Variants in PGM5 observed in about 807,000 individuals in gnomAD.
PGM5 encodes the protein phosphoglucomutase 5.
In PGM5, 23 loss-of-function variants were observed where a neutral mutation model predicts 59.2. That is an observed-to-expected ratio of 0.39 (90% CI 0.28 to 0.55). The LOEUF (loss-of-function observed/expected upper bound fraction) is 0.55. Ranked by LOEUF, PGM5 falls within the 20% of genes least tolerant of loss-of-function variation. PGM5 has a pLI of 0.66. For missense variants in PGM5, 574 were observed against 748.3 expected, an observed-to-expected ratio of 0.77 and a Z score of 2.72; for synonymous variants, 214 against 286.0, an observed-to-expected ratio of 0.75 and a Z score of 2.54.
At chr9:68,409,970 C>T (rs145864669) in intron 6 of PGM5, among the ~76,000 whole-genome samples, 86 of 152,156 alleles carry the variant, frequency 5.7e-4, no homozygotes, top group Non-Finnish European at 4.4e-4. Flanking sequence ...CTCAGGGCCT[C>T]GCTTTCCCCA....
At chr9:68,381,101 G>T (rs555289564) in intron 2 of PGM5, among the ~76,000 whole-genome samples, 1 of 151,982 alleles carries the variant, frequency 6.6e-6, no homozygotes, top group South Asian at 2.1e-4. Flanking sequence ...GCATCACCTT[G>T]ATACCTAAAG....
At chr9:68,464,622 A>G (rs1823905418) in intron 6 of PGM5, 1 of 152,406 alleles carries the variant, frequency 6.6e-6, no homozygotes, top group African/African-American at 2.4e-5. Flanking sequence ...TTATCCTAAA[A>G]TGTCTAAAGT....
At chr9:68,515,927 A>G (rs994058337) in intron 10 of PGM5, among the ~76,000 whole-genome samples, 1 of 152,146 alleles carries the variant, frequency 6.6e-6, no homozygotes, top group East Asian at 1.9e-4. Flanking sequence ...TGATAATGGT[A>G]ATAATAATAA....
chr9:68,405,170 G>A (rs376868711), intron 6 of PGM5: 1 of 152,314 alleles, frequency 6.6e-6, no homozygotes, highest in East Asian at 1.9e-4. Flanking sequence ...GTTGGGGTTT[G>A]TACTTTCACT....
At chr9:68,462,811 TTC>T (rs1823877360) in intron 6 of PGM5, among the ~76,000 whole-genome samples, 1 of 152,182 alleles carries the variant, frequency 6.6e-6, no homozygotes, top group Non-Finnish European at 1.5e-5. Context: ...CCCAGAAGGC[TTC>T]TGTGTGACTT....
At position 68,417,515 on chromosome 9, in the gene PGM5, C is replaced by T. The variant is rs541585393; in HGVS notation, c.1043+25042C>T. Among the ~76,000 whole-genome samples the T allele has an allele frequency of 2.0e-5, 3 of 152,218 alleles. 1 individual carries two copies. The highest frequency in any genetic ancestry group is 1.9e-4 in the East Asian group (1 of 5,186). ...ATCCATGTCATGGAACATTGAGCTG[C>T]GTATCCTTTCATTTCCATCATTCAG... On this transcript the variant is annotated intron_variant, in intron 6 of 10. Transcript: ENST00000396396.
chr9:68,461,825 G>A (rs938874673), intron 6 of PGM5, among the ~76,000 whole-genome samples: 3 of 151,868 alleles, frequency 2.0e-5, no homozygotes, highest in Non-Finnish European at 4.4e-5. Context: ...TGCTGGAAAA[G>A]CATTTAAGGT....
intron 6 of PGM5, among the ~76,000 whole-genome samples, chr9:68,438,662 A>G (rs1823478988): frequency 6.6e-6 from 1 of 152,210 alleles, no homozygotes; most frequent in South Asian, 2.1e-4. Context: ...ATTGGAGAAG[A>G]CCAGAATTTA....
intron 9 of PGM5, among the ~76,000 whole-genome samples, chr9:68,494,696 G>A (rs1398378780): frequency 2.0e-5 from 3 of 152,174 alleles, no homozygotes; most frequent in Non-Finnish European, 2.9e-5. Flanking sequence ...AACCTACCAT[G>A]GTTCAACTCC....
At chr9:68,367,211 G>A (rs1189426761) in intron 1 of PGM5, among the ~76,000 whole-genome samples, 1 of 151,912 alleles carries the variant, frequency 6.6e-6, no homozygotes, top group Non-Finnish European at 1.5e-5. Context: ...TGTGGTCTGT[G>A]CATTATTTCC....
At chr9:68,399,408 C>A (rs1786033820) in intron 6 of PGM5, 1 of 152,230 alleles carries the variant, frequency 6.6e-6, no homozygotes, top group African/African-American at 2.4e-5. Flanking sequence ...CCATCTCTTG[C>A]CTGCTTCTCC....
At position 68,483,883 on chromosome 9, in the gene PGM5, G is replaced by A; in HGVS notation, c.1314G>A (p.Leu438=). The A allele has an allele frequency of 6.2e-7, 1 of 1,614,048 alleles. No homozygotes were observed. Among genetic ancestry groups the A allele is most frequent in the Non-Finnish European group, 8.5e-7 (1 of 1,179,972 alleles). ...TCACCAGGTTTGACTATGAGGGGTTGGATCCCAAGACGACATATTATATCA... is the reference window on the plus strand; with the variant it reads ...TCACCAGGTTTGACTATGAGGGGTTAGATCCCAAGACGACATATTATATCA... ...HYYCRFDYEG[L]DPKTTYYIMR... The change falls in exon 9 of 11, where the codon TTG becomes TTA. Residue 438 remains leucine, a synonymous_variant. Coordinates refer to ENST00000396396, the MANE Select transcript of PGM5 (RefSeq NM_021965.4).
intron 10 of PGM5, among the ~76,000 whole-genome samples, chr9:68,518,568 C>T (rs1044021409): frequency 1.3e-5 from 2 of 152,036 alleles, no homozygotes; most frequent in African/African-American, 4.8e-5. Flanking sequence ...TAAAAATACA[C>T]CAAGATGTTG....
chr9:68,437,480 A>G lies in PGM5; in HGVS notation c.1044-27613A>G, dbSNP rs561122531. Among the ~76,000 whole-genome samples the G allele has an allele frequency of 2.0e-5, 3 of 152,286 alleles. No homozygotes were observed. The highest frequency in any genetic ancestry group is 2.1e-4 in the South Asian group (1 of 4,828). ...GGTGTTGTGCTTTACACGATACTGTATTACAAAGCTGCTAAACAACAAATG... is the reference window on the plus strand; with the variant it reads ...GGTGTTGTGCTTTACACGATACTGTGTTACAAAGCTGCTAAACAACAAATG... On this transcript the variant is annotated intron_variant, in intron 6 of 10. Coordinates refer to ENST00000396396, the MANE Select transcript of PGM5 (RefSeq NM_021965.4). The surrounding 1 kb of genome is among the most constrained non-coding windows in gnomAD (Gnocchi z 4.1).
At chr9:68,389,152 A>C (rs1477812164) in intron 4 of PGM5, among the ~76,000 whole-genome samples, 1 of 152,026 alleles carries the variant, frequency 6.6e-6, no homozygotes, top group Non-Finnish European at 1.5e-5. Context: ...TTAATTTCCC[A>C]AAACTTTTGT....
In PGM5 at chr9:68,437,565, G is replaced by A. The variant is rs1341539751; in HGVS notation, c.1044-27528G>A. On this transcript the variant is annotated intron_variant, in intron 6 of 10. Transcript: ENST00000396396. The surrounding 1 kb of genome is among the most constrained non-coding windows in gnomAD (Gnocchi z 4.1). Reference sequence around the variant, plus strand: ...AAGGATAGGAATCAATTTTTCAAAGGGACACACACACTCACACACACACAC... The same window carrying A: ...AAGGATAGGAATCAATTTTTCAAAGAGACACACACACTCACACACACACAC... 1.3e-5 allele frequency among the ~76,000 whole-genome samples: 2 copies of A among 149,348 alleles called. No homozygotes were observed. The highest frequency in any genetic ancestry group is 5.0e-5 in the African/African-American group (2 of 39,786).
chr9:68,468,488 C>T (rs1823971180), intron 7 of PGM5, among the ~76,000 whole-genome samples: 1 of 152,012 alleles, frequency 6.6e-6, no homozygotes, highest in Non-Finnish European at 1.5e-5. Context: ...GTAAATATTC[C>T]ATGTGTAAGC....
At chr9:68,431,905 T>A (rs1823356218) in intron 6 of PGM5, among the ~76,000 whole-genome samples, 1 of 147,370 alleles carries the variant, frequency 6.8e-6, no homozygotes, top group African/African-American at 2.5e-5. Flanking sequence ...GGGATGGGGG[T>A]GGGTGATCAA....
chr9:68,503,165 T>A (rs1278270223), intron 10 of PGM5, among the ~76,000 whole-genome samples: 1 of 152,178 alleles, frequency 6.6e-6, no homozygotes. Flanking sequence ...TTGTTTTACA[T>A]AGGAAGAACA....
Sources: allele counts gnomAD v4.1 joint callset (sites outside exome capture counted in the v4.1 genomes callset), GRCh38; gene constraint gnomAD v4.1.1; non-coding constraint Gnocchi (gnomAD v3.1); transcripts MANE v1.5; gene names NCBI Gene and HGNC (gene_info 2026-07-23, HGNC 2026-07-21).